Variants in NT5M observed in about 807,000 individuals in gnomAD.
The protein encoded by NT5M is 5'(3')-deoxyribonucleotidase, mitochondrial.
Under a neutral mutation model 22.2 loss-of-function variants are expected in NT5M, and 22 were observed. That is an observed-to-expected ratio of 0.99 (90% CI 0.71 to 1.41). The LOEUF is 1.41. NT5M is among the 40% of genes most tolerant of loss of function. The probability of loss-of-function intolerance (pLI) is 0.00; values close to 1 mark genes in which losing one functional copy is unlikely to be tolerated. For synonymous variants in NT5M, 167 were observed against 133.0 expected (o/e 1.26, Z -1.76); for missense variants, 322 against 314.8 (o/e 1.02, Z -0.17).
At chr17:17,316,072 T>C (rs1210149299) in intron 2 of NT5M, among the ~76,000 whole-genome samples, 8 of 146,272 alleles carry the variant, frequency 5.5e-5, no homozygotes, top group South Asian at 2.2e-4. Flanking sequence ...TTTTTTTAAA[T>C]GAGACAGAAT....
Position 17,303,729 on chromosome 17 carries a change from G to C in NT5M, c.179G>C (p.Arg60Pro). The C allele has an allele frequency of 6.3e-7, 1 of 1,591,022 alleles. No homozygotes were observed. The highest frequency in any genetic ancestry group is 8.5e-7 in the Non-Finnish European group (1 of 1,170,980). Reference sequence around the variant, plus strand: ...GGATTCCTCAGGAAGTTCCGCGCGCGCTTTCCCGACCAGCCCTTCATCGCG... The same window carrying C: ...GGATTCCTCAGGAAGTTCCGCGCGCCCTTTCCCGACCAGCCCTTCATCGCG... ...EGGFLRKFRARFPDQPFIALE... is the reference protein window; with the variant it reads ...EGGFLRKFRAPFPDQPFIALE... The change falls in exon 1 of 5, where the codon CGC (arginine) becomes CCC (proline). Residue 60 changes from arginine to proline, a missense_variant. Arg to Pro is a moderately radical substitution (Grantham distance 103). Transcript: ENST00000389022.
rs542521515 is a variant in NT5M at position 17,304,342 on chromosome 17, C to T, written c.267+525C>T. On this transcript the variant is annotated intron_variant, in intron 1 of 4. Transcript: ENST00000389022. ...GTGGTCCAGGTGAGGTGGGATCCAC[C>T]TCATGTCTTATCCCCTTGCAGAGCT... 1.0e-5 allele frequency: 10 copies of T among 953,114 alleles called. No homozygotes were observed. In the South Asian group the frequency reaches 4.8e-4, roughly 46 times the overall value. The allele number at this position is 953,114 out of a possible 1,614,324, so 59.0% of individuals were successfully genotyped here.
chr17:17,336,232 G>A (rs2049508640), intron 3 of NT5M, among the ~76,000 whole-genome samples: 1 of 150,776 alleles, frequency 6.6e-6, no homozygotes, highest in South Asian at 2.1e-4. Flanking sequence ...TTGATCTCCT[G>A]ACCTCGTGAT....
chr17:17,311,146 C>G (rs549651939), intron 2 of NT5M, among the ~76,000 whole-genome samples: 2 of 152,176 alleles, frequency 1.3e-5, no homozygotes, highest in East Asian at 3.9e-4. Flanking sequence ...ACCATCCTGG[C>G]TAACACGGTG....
At chr17:17,335,055 C>T (rs1298135747) in intron 3 of NT5M, among the ~76,000 whole-genome samples, 1 of 151,858 alleles carries the variant, frequency 6.6e-6, no homozygotes, top group Non-Finnish European at 1.5e-5. Context: ...TTTCAGTGTA[C>T]CACTCTTGCA....
intron 3 of NT5M, among the ~76,000 whole-genome samples, chr17:17,338,432 A>G (rs1019068443): frequency 2.0e-5 from 3 of 151,984 alleles, no homozygotes; most frequent in Middle Eastern, 3.4e-3. Context: ...ACCTCACGCT[A>G]TCCGCCCGCC....
At chr17:17,342,081 C>G (rs1230777993) in intron 3 of NT5M, among the ~76,000 whole-genome samples, 1 of 151,950 alleles carries the variant, frequency 6.6e-6, no homozygotes, top group African/African-American at 2.4e-5. Context: ...CATATAAATA[C>G]ATATATACAT....
intron 4 of NT5M, 55 bp from the exon 5 acceptor site, chr17:17,346,750 G>A (rs2049767492): frequency 2.5e-6 from 4 of 1,599,328 alleles, no homozygotes; most frequent in Non-Finnish European, 3.4e-6. Flanking sequence ...TCCACCCTAG[G>A]CGGCTGCGCT....
chr17:17,315,315 G>A (rs2049000358), intron 2 of NT5M, among the ~76,000 whole-genome samples: 1 of 152,108 alleles, frequency 6.6e-6, no homozygotes, highest in Admixed American at 6.6e-5. Flanking sequence ...TAGCACTGGG[G>A]ATATATATGT....
chr17:17,329,155 T>C (rs2049324516), intron 3 of NT5M, among the ~76,000 whole-genome samples: 1 of 152,144 alleles, frequency 6.6e-6, no homozygotes, highest in Non-Finnish European at 1.5e-5. Context: ...TTTTTTTGTA[T>C]TTTTAGTAGA....
chr17:17,313,485 G>A (rs2048961583), intron 2 of NT5M, among the ~76,000 whole-genome samples: 1 of 152,172 alleles, frequency 6.6e-6, no homozygotes, highest in African/African-American at 2.4e-5. Context: ...GAAGGGACTC[G>A]TCAGTAACTG....
At chr17:17,336,295 C>T (rs893338149) in intron 3 of NT5M, among the ~76,000 whole-genome samples, 11 of 152,136 alleles carry the variant, frequency 7.2e-5, no homozygotes, top group Non-Finnish European at 1.5e-4. Context: ...AGCCACCGCG[C>T]CCAGCCTATT....
chr17:17,328,659 C>T (rs1172350990), intron 3 of NT5M, among the ~76,000 whole-genome samples: 1 of 152,174 alleles, frequency 6.6e-6, no homozygotes, highest in Non-Finnish European at 1.5e-5. Context: ...AGCTCCTGTC[C>T]ACTGAGTAGG....
At chr17:17,305,543 G>C in intron 1 of NT5M, among the ~76,000 whole-genome samples, 1 of 152,120 alleles carries the variant, frequency 6.6e-6, no homozygotes. Flanking sequence ...TAATAAGCAC[G>C]CATTTGCCTA....
rs777971632 is a variant in NT5M, at chr17:17,344,880, T to C, written c.516T>C (p.Leu172=). The C allele has an allele frequency of 1.9e-6, 3 of 1,614,182 alleles. No individual in the cohort carries two copies. The Admixed American group carries it at 5.0e-5, about 27-fold the overall frequency. The part of the protein sequence containing the change: ...TRDKTVVSAD[L]LIDDRPDITG... ...ACAAGACCGTGGTCTCTGCTGACCT[T>C]CTCATAGACGACCGGCCGGACATCA... The change falls in exon 4 of 5, where the codon CTT becomes CTC. Residue 172 remains leucine (L), a synonymous_variant. Coordinates refer to ENST00000389022, the MANE Select transcript of NT5M (RefSeq NM_020201.4).
chr17:17,305,401 C>CCG (rs2048777003), intron 1 of NT5M, among the ~76,000 whole-genome samples: 1 of 127,174 alleles, frequency 7.9e-6, no homozygotes, highest in Non-Finnish European at 1.7e-5. Context: ...ACCGCCCCCC[C>CCG]CCCCCCGCCC....
rs912175804 is a variant in NT5M at position 17,303,406 on chromosome 17, G to GCGCTCCCCGCCC, written c.-135_-124dup. On this transcript the variant is annotated 5_prime_UTR_variant, in exon 1 of 5. Coordinates refer to ENST00000389022, the MANE Select transcript of NT5M (RefSeq NM_020201.4). ...GCCGGTACTTGCGCGCCCGCACCCC[G>GCGCTCCCCGCCC]CGCTCCCCGCCCCGCTCCCCGTCCC... The GCGCTCCCCGCCC allele has an allele frequency of 3.4e-5, 32 of 954,432 alleles. No individual in the cohort carries two copies. Among genetic ancestry groups the GCGCTCCCCGCCC allele is most frequent in the East Asian group, 1.1e-4 (1 of 9,004 alleles). 59.1% of individuals were successfully genotyped at this position (954,432 alleles called of 1,614,324 possible).
intron 2 of NT5M, among the ~76,000 whole-genome samples, chr17:17,315,035 C>T (rs2048995173): frequency 6.6e-6 from 1 of 152,168 alleles, no homozygotes; most frequent in Non-Finnish European, 1.5e-5. Flanking sequence ...TGGCTCTATT[C>T]TTAGTTCCCA....
intron 4 of NT5M, among the ~76,000 whole-genome samples, chr17:17,346,010 C>T (rs1201122604): frequency 6.6e-6 from 1 of 152,162 alleles, no homozygotes; most frequent in African/African-American, 2.4e-5. Flanking sequence ...AGTTTCAGGT[C>T]GAGTCTTTTG....
Sources: allele counts gnomAD v4.1 joint callset (sites outside exome capture counted in the v4.1 genomes callset), GRCh38; gene constraint gnomAD v4.1.1; transcripts MANE v1.5; gene names NCBI Gene and HGNC (gene_info 2026-07-23, HGNC 2026-07-21).